The following GABRG1 variants were observed in gnomAD, a reference collection of about 807,000 sequenced individuals.
GABRG1 encodes the protein gamma-aminobutyric acid receptor subunit gamma-1.
A neutral mutation model predicts 49.8 loss-of-function variants in GABRG1; 49 were observed. The observed-to-expected ratio is 0.98, with a 90% confidence interval of 0.78 to 1.25. The LOEUF (loss-of-function observed/expected upper bound fraction) is 1.25. GABRG1 is among the 50% of genes most tolerant of loss of function. The pLI is 0.00. For synonymous variants in GABRG1, 232 were observed against 185.1 expected (o/e 1.25, Z -2.06); for missense variants, 552 against 552.3 (o/e 1.00, Z 0.01).
chr4:46,069,119 AT>A (rs1478304532), intron 3 of GABRG1, among the ~76,000 whole-genome samples: 34 of 152,228 alleles, frequency 2.2e-4, no homozygotes. Context: ...CACATTTCAA[AT>A]TACCAGTTAA....
rs184676237 is a variant in GABRG1, at chr4:46,037,421, C to T, written c.*3567G>A. 1 of 151,710 alleles carries T rather than the reference C, an allele frequency of 6.6e-6. No individual in the cohort carries two copies. The highest frequency in any genetic ancestry group is 2.4e-5 in the African/African-American group (1 of 41,444). 9.4% of individuals were successfully genotyped at this position (151,710 alleles called of 1,614,324 possible). A position where few individuals can be genotyped will look rare whatever the true frequency, so the allele number is the denominator to read the frequency against. ...AGCAGTAAAAAGCAATAAAGAATGACCAACAAAAATGGAAATACCAAGTAT... is the reference window on the plus strand; with the variant it reads ...AGCAGTAAAAAGCAATAAAGAATGATCAACAAAAATGGAAATACCAAGTAT... On this transcript the variant is annotated 3_prime_UTR_variant, in exon 9 of 9. Transcript: ENST00000295452.
At chr4:46,080,219 G>A (rs1374767110) in intron 3 of GABRG1, among the ~76,000 whole-genome samples, 1 of 151,616 alleles carries the variant, frequency 6.6e-6, no homozygotes, top group Non-Finnish European at 1.5e-5. Context: ...TATTAATTTT[G>A]TTTCTTACTG....
chr4:46,087,130 G>A (rs1353885550), intron 2 of GABRG1, among the ~76,000 whole-genome samples: 1 of 151,376 alleles, frequency 6.6e-6, no homozygotes, highest in Non-Finnish European at 1.5e-5. Flanking sequence ...GGATTTTGCT[G>A]GTTTAGTGAA....
rs1236556518 is a variant in GABRG1 at position 46,117,805 on chromosome 4, T to C, written c.104+6005A>G. ...ACATGTATATACATATATACATATG[T>C]ATACATGTGTATCTATATACATATA... On this transcript the variant is annotated intron_variant, in intron 1 of 8. Transcript: ENST00000295452. 5.4e-5 allele frequency among the ~76,000 whole-genome samples: 7 copies of C among 130,282 alleles called. 1 individual carries two copies. The highest frequency in any genetic ancestry group is 5.2e-3 in the Middle Eastern group (1 of 192). 85.5% of individuals were successfully genotyped at this position (130,282 alleles called of 152,430 possible).
At chr4:46,064,921 A>G (rs1211641155) in intron 4 of GABRG1, among the ~76,000 whole-genome samples, 1 of 152,174 alleles carries the variant, frequency 6.6e-6, no homozygotes, top group Non-Finnish European at 1.5e-5. Context: ...GTTCTTAATA[A>G]GCAGATATGT....
intron 1 of GABRG1, among the ~76,000 whole-genome samples, chr4:46,111,434 T>C (rs1296797865): frequency 6.6e-6 from 1 of 151,230 alleles, no homozygotes; most frequent in African/African-American, 2.4e-5. Context: ...AATTTACACA[T>C]TCAATGCTAT....
At chr4:46,109,431 G>T (rs1004985905) in intron 1 of GABRG1, among the ~76,000 whole-genome samples, 5 of 150,478 alleles carry the variant, frequency 3.3e-5, no homozygotes, top group African/African-American at 1.2e-4. Flanking sequence ...TGTTAATCTA[G>T]CTTTCAGTCC....
intron 1 of GABRG1, among the ~76,000 whole-genome samples, chr4:46,107,198 T>C (rs1352534012): frequency 6.6e-6 from 1 of 151,254 alleles, no homozygotes; most frequent in Non-Finnish European, 1.5e-5. Flanking sequence ...TTTACAATTG[T>C]CTATTGATCT....
intron 1 of GABRG1, among the ~76,000 whole-genome samples, chr4:46,109,897 C>T (rs1720666471): frequency 6.6e-6 from 1 of 150,556 alleles, no homozygotes; most frequent in African/African-American, 2.4e-5. Context: ...TGATTTTGAC[C>T]TTTTTGAATT....
chr4:46,088,015 C>A (rs1350772782), intron 2 of GABRG1, among the ~76,000 whole-genome samples: 1 of 152,022 alleles, frequency 6.6e-6, no homozygotes, highest in Non-Finnish European at 1.5e-5. Flanking sequence ...CCACACTAAT[C>A]ACATTTCAAG....
intron 8 of GABRG1, among the ~76,000 whole-genome samples, chr4:46,043,039 T>C (rs1381699626): frequency 6.6e-6 from 1 of 151,960 alleles, no homozygotes; most frequent in Non-Finnish European, 1.5e-5. Context: ...TGGTACCTAT[T>C]TCCTTGTCAC....
At chr4:46,059,829 C>T (rs1718604989) in intron 5 of GABRG1, among the ~76,000 whole-genome samples, 1 of 152,026 alleles carries the variant, frequency 6.6e-6, no homozygotes, top group Non-Finnish European at 1.5e-5. Context: ...TATTTTATTT[C>T]ACATTCTCCT....
intron 1 of GABRG1, among the ~76,000 whole-genome samples, chr4:46,100,990 C>A (rs972540495): frequency 6.6e-6 from 1 of 151,326 alleles, no homozygotes; most frequent in Admixed American, 6.6e-5. Context: ...TTGGTGTTAT[C>A]TTGGTGATTA....
chr4:46,075,112 A>G (rs1577649161), intron 3 of GABRG1, among the ~76,000 whole-genome samples: 1 of 151,976 alleles, frequency 6.6e-6, no homozygotes, highest in East Asian at 1.9e-4. Flanking sequence ...ATAAGGAGGG[A>G]TAAAGCCTAA....
intron 1 of GABRG1, among the ~76,000 whole-genome samples, chr4:46,102,461 T>C (rs1296045446): frequency 6.6e-6 from 1 of 151,526 alleles, no homozygotes; most frequent in Non-Finnish European, 1.5e-5. Flanking sequence ...AACTACTTCT[T>C]CCCCCCTCTA....
intron 5 of GABRG1, 22 bp from the exon 6 acceptor site, chr4:46,058,644 A>G: frequency 6.3e-7 from 1 of 1,589,836 alleles, no homozygotes; most frequent in African/African-American, 1.3e-5. Flanking sequence ...AAATACATAG[A>G]TTAGCAAGAT....
At chr4:46,076,106 T>C (rs1719314340) in intron 3 of GABRG1, among the ~76,000 whole-genome samples, 1 of 151,738 alleles carries the variant, frequency 6.6e-6, no homozygotes, top group East Asian at 1.9e-4. Flanking sequence ...ATCCTATAAA[T>C]TAAAAAATCT....
intron 5 of GABRG1, among the ~76,000 whole-genome samples, chr4:46,059,588 T>A (rs1442530955): frequency 6.6e-6 from 1 of 151,960 alleles, no homozygotes; most frequent in East Asian, 1.9e-4. Flanking sequence ...TTTATTTTTA[T>A]CTTTATTAGA....
At chr4:46,112,955 C>T (rs1720768978) in intron 1 of GABRG1, among the ~76,000 whole-genome samples, 1 of 150,950 alleles carries the variant, frequency 6.6e-6, no homozygotes, top group Admixed American at 6.6e-5. Flanking sequence ...AAAATAGCTA[C>T]ACGGCTACAA....
Sources: gnomAD v4.1 joint callset for allele counts (sites outside exome capture counted in the v4.1 genomes callset) on GRCh38, gnomAD v4.1.1 for gene constraint, MANE v1.5 for transcripts, NCBI Gene and HGNC (gene_info 2026-07-23, HGNC 2026-07-21) for gene names.